SSH2: variants seen among roughly 807,000 people sequenced by gnomAD.
SSH2 encodes protein phosphatase Slingshot homolog 2.
A neutral mutation model predicts 135.2 loss-of-function variants in SSH2; 37 were observed. The observed-to-expected ratio is 0.27, with a 90% CI of 0.21 to 0.36. The LOEUF (loss-of-function observed/expected upper bound fraction) is 0.36. SSH2 is among the 10% of genes least tolerant of loss of function. SSH2 has a pLI of 1.00. For synonymous variants in SSH2, 628 were observed against 646.2 expected (o/e 0.97, Z 0.43); for missense variants, 1,408 against 1,765.3 (o/e 0.80, Z 3.63).
At chr17:29,822,513 C>CAT (rs748920287) in intron 2 of SSH2, among the ~76,000 whole-genome samples, 4 of 152,084 alleles carry the variant, frequency 2.6e-5, no homozygotes, top group Non-Finnish European at 5.9e-5. Context: ...AGGCGTGTAT[C>CAT]ACTACGCCTG....
chr17:29,701,281 A>AT (rs1461518632), intron 4 of SSH2, among the ~76,000 whole-genome samples: 3 of 150,888 alleles, frequency 2.0e-5, no homozygotes, highest in Non-Finnish European at 4.4e-5. Flanking sequence ...TAATTTTTGT[A>AT]TTTTTTATAG....
At chr17:29,762,334 G>C (rs992135665) in intron 3 of SSH2, among the ~76,000 whole-genome samples, 2 of 152,146 alleles carry the variant, frequency 1.3e-5, no homozygotes, top group African/African-American at 4.8e-5. Flanking sequence ...GCTGCACATA[G>C]GAATTACTTG....
At chr17:29,921,540 T>C (rs2066976205) in intron 1 of SSH2, among the ~76,000 whole-genome samples, 2 of 152,198 alleles carry the variant, frequency 1.3e-5, no homozygotes, top group Non-Finnish European at 2.9e-5. Context: ...TTGCTAAATA[T>C]GACTATATCT....
intron 5 of SSH2, among the ~76,000 whole-genome samples, chr17:29,686,309 T>C (rs2151082332): frequency 6.6e-6 from 1 of 152,116 alleles, no homozygotes; most frequent in Non-Finnish European, 1.5e-5. Flanking sequence ...CCTCATCGAG[T>C]TATATAGTCT....
rs965010149 is a variant in SSH2 at position 29,925,456 on chromosome 17, C to T, written c.63+4482G>A. On this transcript the variant is annotated intron_variant, in intron 1 of 15. Transcript: ENST00000540801. The stretch of plus-strand genomic sequence containing the variant: ...TGTAGCCGGTCACAGTGGCTCATGA[C>T]TATAATCCCAATTCTTTAGGAGGCT... 1.0e-5 allele frequency: 4 copies of T among 398,328 alleles called. No individual in the cohort carries two copies. In the South Asian group the frequency reaches 5.1e-4, roughly 51 times the overall value. The allele number at this position is 398,328 out of a possible 1,614,324, so 24.7% of individuals were successfully genotyped here.
intron 2 of SSH2, among the ~76,000 whole-genome samples, chr17:29,837,748 G>A (rs997703259): frequency 6.6e-6 from 1 of 152,246 alleles, no homozygotes; most frequent in South Asian, 2.1e-4. Flanking sequence ...TGTTTGCACA[G>A]GGTTGGCTGG....
In SSH2 at chr17:29,629,067, A is replaced by G. The variant is rs1567819736; in HGVS notation, c.*1774T>C. On this transcript the variant is annotated 3_prime_UTR_variant, in exon 16 of 16. Coordinates refer to ENST00000540801, the MANE Select transcript of SSH2 (RefSeq NM_001282129.2). ...TCAATCCTCAGTAACGTGGACATCA[A>G]CGAAAGCAAATCTGCAAGCCTCTTC... The G allele has an allele frequency of 1.3e-5, 2 of 152,262 alleles. No homozygotes were observed. Among genetic ancestry groups the G allele is most frequent in the Non-Finnish European group, 1.5e-5 (1 of 68,036 alleles). The allele number at this position is 152,262 out of a possible 1,614,324, so 9.4% of individuals were successfully genotyped here.
chr17:29,658,436 C>A (rs1435406417), intron 11 of SSH2, among the ~76,000 whole-genome samples: 1 of 152,160 alleles, frequency 6.6e-6, no homozygotes, highest in East Asian at 1.9e-4. Context: ...GCCTCAGCCT[C>A]CTGAGTACCT....
At chr17:29,736,250 C>T (rs1443994919) in intron 3 of SSH2, among the ~76,000 whole-genome samples, 2 of 152,082 alleles carry the variant, frequency 1.3e-5, no homozygotes, top group Admixed American at 6.6e-5. Flanking sequence ...TTAAATCTGC[C>T]AGCAAAAGAG....
chr17:29,925,336 A>G (rs865980936), intron 1 of SSH2: 1 of 389,156 alleles, frequency 2.6e-6, no homozygotes. Flanking sequence ...GTCAAAGGGT[A>G]CAAAGTTTCC....
At chr17:29,865,355 A>G (rs908085545) in intron 1 of SSH2, among the ~76,000 whole-genome samples, 1 of 152,202 alleles carries the variant, frequency 6.6e-6, no homozygotes, top group South Asian at 2.1e-4. Flanking sequence ...TTTAAACTCA[A>G]TTTGGAAATT....
At chr17:29,697,390 T>C (rs1025955434) in intron 4 of SSH2, among the ~76,000 whole-genome samples, 1 of 152,116 alleles carries the variant, frequency 6.6e-6, no homozygotes, top group Non-Finnish European at 1.5e-5. Flanking sequence ...TGAGATGAAA[T>C]ACTGTTATGT....
chr17:29,849,478 CAAAAA>C (rs36026122), intron 1 of SSH2, among the ~76,000 whole-genome samples: 2 of 48,330 alleles, frequency 4.1e-5, no homozygotes. Flanking sequence ...GACTCCGTCT[CAAAAA>C]AAAAAAAAAA....
chr17:29,727,229 A>G (rs1016168557), intron 3 of SSH2, among the ~76,000 whole-genome samples: 39 of 152,256 alleles, frequency 2.6e-4, no homozygotes, highest in African/African-American at 9.2e-4. Context: ...ATAGACAAAG[A>G]AAGTTCAGTT....
chr17:29,832,399 T>C (rs1417419891), intron 2 of SSH2, among the ~76,000 whole-genome samples: 1 of 152,246 alleles, frequency 6.6e-6, no homozygotes, highest in Non-Finnish European at 1.5e-5. Flanking sequence ...CCCAAAGTGC[T>C]GGGATTATAG....
At chr17:29,845,766 C>T (rs1434830309) in intron 2 of SSH2, among the ~76,000 whole-genome samples, 1 of 152,036 alleles carries the variant, frequency 6.6e-6, no homozygotes. Flanking sequence ...CGCTGTATTT[C>T]CCAGGCTGCT....
chr17:29,801,786 C>T (rs28650869), intron 2 of SSH2, among the ~76,000 whole-genome samples: 7,725 of 152,188 alleles, frequency 0.051, 638 homozygotes, highest in African/African-American at 0.17. Context: ...AATAAAGGGT[C>T]GAATGAGTGA....
chr17:29,817,362 A>G (rs972522463), intron 2 of SSH2, among the ~76,000 whole-genome samples: 1 of 152,308 alleles, frequency 6.6e-6, no homozygotes, highest in Admixed American at 6.5e-5. Flanking sequence ...TCTTGAGATT[A>G]CTTTAGAAAA....
intron 3 of SSH2, among the ~76,000 whole-genome samples, chr17:29,790,198 T>A (rs2042039735): frequency 6.6e-6 from 1 of 152,216 alleles, no homozygotes; most frequent in African/African-American, 2.4e-5. Context: ...GTTGAAGCCC[T>A]ACCCTCGAAA....
Sources: allele counts gnomAD v4.1 joint callset (sites outside exome capture counted in the v4.1 genomes callset), GRCh38; gene constraint gnomAD v4.1.1; transcripts MANE v1.5; gene names NCBI Gene and HGNC (gene_info 2026-07-23, HGNC 2026-07-21).